Variants in RGS9 observed in about 807,000 individuals in gnomAD.
RGS9 encodes regulator of G-protein signalling 9.
Under a neutral mutation model 102.0 loss-of-function variants are expected in RGS9, and 78 were observed. That is an observed-to-expected ratio of 0.76 (90% CI 0.64 to 0.92). RGS9 has a LOEUF of 0.92. Ranked by LOEUF, RGS9 falls within the 40% of genes least tolerant of loss-of-function variation. RGS9 has a pLI of 0.00. For synonymous variants in RGS9, 353 were observed against 318.6 expected (o/e 1.11, Z -1.15); for missense variants, 833 against 866.1 (o/e 0.96, Z 0.48).
At chr17:65,198,971 C>A (rs899865496) in intron 13 of RGS9, among the ~76,000 whole-genome samples, 1 of 152,016 alleles carries the variant, frequency 6.6e-6, no homozygotes, top group South Asian at 2.1e-4. Context: ...CAACATACAC[C>A]CTGAATTTAT....
At chr17:65,214,288 T>A (rs947255431) in intron 17 of RGS9, among the ~76,000 whole-genome samples, 6 of 152,300 alleles carry the variant, frequency 3.9e-5, no homozygotes, top group African/African-American at 1.4e-4. Context: ...AAGACCTTTT[T>A]TGTGTAAGAA....
intron 11 of RGS9, among the ~76,000 whole-genome samples, chr17:65,191,093 C>T (rs1048931303): frequency 1.3e-5 from 2 of 152,228 alleles, no homozygotes; most frequent in Non-Finnish European, 2.9e-5. Context: ...ACACACATTT[C>T]AGTGACTCTG....
intron 17 of RGS9, among the ~76,000 whole-genome samples, chr17:65,218,017 A>G (rs1267993825): frequency 1.3e-5 from 2 of 152,218 alleles, no homozygotes; most frequent in Non-Finnish European, 1.5e-5. Flanking sequence ...GTTGAACCAA[A>G]CAAGTGCTTG....
intron 17 of RGS9, among the ~76,000 whole-genome samples, chr17:65,219,545 A>G (rs2144125035): frequency 6.6e-6 from 1 of 152,368 alleles, no homozygotes; most frequent in South Asian, 2.1e-4. Context: ...ATTTTAAACA[A>G]CTTAACAAAC....
At position 65,156,767 on chromosome 17, in the gene RGS9, G is replaced by A. The variant is rs187024785; in HGVS notation, c.155-1528G>A. On this transcript the variant is annotated intron_variant, in intron 2 of 18. Transcript: ENST00000262406. Reference sequence around the variant, plus strand: ...TGCCTAGGTCTGTCTCTCTGCCTGCGCACCACTGTGTAGCATTTAAAGAGA... The same window carrying A: ...TGCCTAGGTCTGTCTCTCTGCCTGCACACCACTGTGTAGCATTTAAAGAGA... Among the ~76,000 whole-genome samples, 10 of 152,290 alleles carry A rather than the reference G, an allele frequency of 6.6e-5. No individual in the cohort carries two copies. The East Asian group carries it at 9.6e-4, about 15-fold the overall frequency.
At chr17:65,161,035 G>C in intron 6 of RGS9, 126 bp downstream of exon 6, 1 of 770,566 alleles carries the variant, frequency 1.3e-6, no homozygotes, top group Non-Finnish European at 2.3e-6. Context: ...CATCCAGCCA[G>C]CCAGCTAGCC....
At chr17:65,176,358 C>A (rs540811539) in intron 8 of RGS9, among the ~76,000 whole-genome samples, 1 of 152,300 alleles carries the variant, frequency 6.6e-6, no homozygotes, top group Admixed American at 6.5e-5. Flanking sequence ...AGCTTCACAC[C>A]CTATCTTGTT....
At chr17:65,144,499 C>T (rs951247823) in intron 1 of RGS9, among the ~76,000 whole-genome samples, 4 of 152,210 alleles carry the variant, frequency 2.6e-5, no homozygotes, top group Admixed American at 6.5e-5. Context: ...CCCTTCTCCC[C>T]GACACGGGGT....
intron 17 of RGS9, among the ~76,000 whole-genome samples, chr17:65,212,663 G>A (rs1913348178): frequency 6.6e-6 from 1 of 152,206 alleles, no homozygotes; most frequent in Non-Finnish European, 1.5e-5. Context: ...GGAGTCTGTG[G>A]TCACTGGTTT....
intron 2 of RGS9, among the ~76,000 whole-genome samples, chr17:65,155,198 C>A (rs773768562): frequency 6.6e-6 from 1 of 152,196 alleles, no homozygotes; most frequent in African/African-American, 2.4e-5. Context: ...TTTCAGGGTG[C>A]CTTTGTGTCC....
At chr17:65,137,898 C>T (rs974754116) in intron 1 of RGS9, among the ~76,000 whole-genome samples, 10 of 152,210 alleles carry the variant, frequency 6.6e-5, no homozygotes, top group Admixed American at 2.6e-4. Context: ...TTGAGACAGC[C>T]TGCTGATATT....
At chr17:65,213,735 C>T (rs1913391600) in intron 17 of RGS9, among the ~76,000 whole-genome samples, 1 of 152,162 alleles carries the variant, frequency 6.6e-6, no homozygotes, top group Non-Finnish European at 1.5e-5. Context: ...CTGTGTCAGG[C>T]TCATACGGGG....
intron 14 of RGS9, 92 bp downstream of exon 14, chr17:65,202,172 C>T (rs1912874196): frequency 5.9e-6 from 5 of 854,534 alleles, no homozygotes; most frequent in African/African-American, 1.7e-5. Context: ...GAGAGGACAA[C>T]AGCCTGGTAG....
intron 17 of RGS9, among the ~76,000 whole-genome samples, chr17:65,223,819 C>T (rs1022573452): frequency 2.0e-5 from 3 of 150,822 alleles, no homozygotes; most frequent in Non-Finnish European, 3.0e-5. Flanking sequence ...GACGCGATCT[C>T]GGCTCACTGC....
intron 15 of RGS9, among the ~76,000 whole-genome samples, chr17:65,205,914 T>C (rs1913045623): frequency 6.6e-6 from 1 of 152,090 alleles, no homozygotes; most frequent in Non-Finnish European, 1.5e-5. Context: ...TTGTGTGATA[T>C]AGGCTATCTG....
chr17:65,210,056 T>C (rs1913228349), intron 16 of RGS9, among the ~76,000 whole-genome samples: 1 of 152,054 alleles, frequency 6.6e-6, no homozygotes, highest in Admixed American at 6.5e-5. Context: ...CCAGCCTCGG[T>C]GATTCAGAGA....
chr17:65,185,475 C>T (rs1373990718), intron 9 of RGS9: 7 of 152,976 alleles, frequency 4.6e-5, no homozygotes, highest in Admixed American at 3.9e-4. Context: ...AGTTTCTGGA[C>T]CTGCCATGAT....
chr17:65,139,005 C>CTCCTCCACCCCAGG (rs1910030263), intron 1 of RGS9, among the ~76,000 whole-genome samples: 1 of 40,232 alleles, frequency 2.5e-5, no homozygotes, highest in African/African-American at 5.4e-5. Context: ...CCAGCATCCC[C>CTCCTCCACCCCAGG]TCCTCCACCC....
rs1392831509 is a variant in RGS9 at position 65,137,610 on chromosome 17, C to G, written c.57+13C>G. The stretch of plus-strand genomic sequence containing the variant: ...ATTTCTCCAAAAGGTAACCCTGGCC[C>G]CTCACCTGGACCCTGGGAGGAGGGC... On this transcript the variant is annotated intron_variant, in intron 1 of 18. Transcript: ENST00000262406. The G allele has an allele frequency of 6.2e-7, 1 of 1,613,478 alleles. No individual in the cohort carries two copies. Among genetic ancestry groups the G allele is most frequent in the African/African-American group, 1.3e-5 (1 of 74,928 alleles).
Sources: allele counts gnomAD v4.1 joint callset (sites outside exome capture counted in the v4.1 genomes callset), GRCh38; gene constraint gnomAD v4.1.1; transcripts MANE v1.5; gene names NCBI Gene and HGNC (gene_info 2026-07-23, HGNC 2026-07-21).